The following CD8B2 variants were observed in gnomAD, a reference collection of about 807,000 sequenced individuals.
The protein encoded by CD8B2 is CD8B family member 2.
A neutral mutation model predicts 23.7 loss-of-function variants in CD8B2; 11 were observed. The observed-to-expected ratio is 0.46, with a 90% confidence interval of 0.29 to 0.77. CD8B2 has a LOEUF of 0.77. Ranked by LOEUF, CD8B2 falls within the 30% of genes least tolerant of loss-of-function variation. CD8B2 has a pLI of 0.09. For synonymous variants in CD8B2, 90 were observed against 109.3 expected, an observed-to-expected ratio of 0.82 and a Z score of 1.10; for missense variants, 197 against 270.5, an observed-to-expected ratio of 0.73 and a Z score of 1.91.
intron 5 of CD8B2, among the ~76,000 whole-genome samples, chr2:106,529,167 C>A (rs148272890): frequency 7.2e-4 from 110 of 152,240 alleles, no homozygotes; most frequent in African/African-American, 2.6e-3. Flanking sequence ...TGTCTTTCTG[C>A]TTAAATTAGC....
At chr2:106,534,602 A>T (rs1315390475) in intron 5 of CD8B2, among the ~76,000 whole-genome samples, 2 of 152,260 alleles carry the variant, frequency 1.3e-5, no homozygotes, top group South Asian at 2.1e-4. Context: ...TGGCAAGCCC[A>T]GGGGAACGCC....
In CD8B2 at chr2:106,517,701, T is replaced by G. The variant is rs182869141; in HGVS notation, c.620+13376T>G. ...CAGCACGCTTTGTTTATAGCTTCTG[T>G]TTTTTTTTTGTTTTTTTGTTTTTTG... On this transcript the variant is annotated intron_variant, in intron 5 of 5. Coordinates refer to the CD8B2 transcript ENST00000416057. Among the ~76,000 whole-genome samples the G allele has an allele frequency of 1.4e-4, 18 of 132,932 alleles. No homozygotes were observed. In the East Asian group the frequency reaches 2.4e-3, roughly 18 times the overall value. 87.2% of individuals were successfully genotyped at this position (132,932 alleles called of 152,430 possible). A position where few individuals can be genotyped will look rare whatever the true frequency, so the allele number is the denominator to read the frequency against.
chr2:106,518,555 C>T (rs1025589836), intron 5 of CD8B2, among the ~76,000 whole-genome samples: 1 of 152,004 alleles, frequency 6.6e-6, no homozygotes, highest in African/African-American at 2.4e-5. Context: ...ATTATAATAC[C>T]AACTATTCTC....
intron 2 of CD8B2, among the ~76,000 whole-genome samples, chr2:106,495,960 G>A (rs1379836354): frequency 6.6e-6 from 1 of 151,894 alleles, no homozygotes; most frequent in Admixed American, 6.6e-5. Flanking sequence ...CACCACGCCT[G>A]GCTAAACTTT....
intron 5 of CD8B2, among the ~76,000 whole-genome samples, chr2:106,525,863 TC>T (rs1317578547): frequency 6.6e-6 from 1 of 152,132 alleles, no homozygotes. Context: ...GATATAAGAG[TC>T]CGCAGTGAAG....
At chr2:106,504,212 A>G in intron 4 of CD8B2, 77 bp from the exon 5 acceptor site, 4 of 1,547,414 alleles carry the variant, frequency 2.6e-6, no homozygotes, top group Non-Finnish European at 3.5e-6. Flanking sequence ...CCCCTGTGAC[A>G]ATCCTCCTTG....
At chr2:106,490,738 C>A in intron 1 of CD8B2, 136 bp from the exon 2 acceptor site, 3 of 1,466,782 alleles carry the variant, frequency 2.0e-6, no homozygotes, top group Non-Finnish European at 2.7e-6. Context: ...CAGCTGTGCT[C>A]AACACACTCC....
intron 1 of CD8B2, 41 bp downstream of exon 1, chr2:106,487,510 C>T (rs1456408299): frequency 1.7e-6 from 2 of 1,164,036 alleles, no homozygotes; most frequent in Non-Finnish European, 2.2e-6. Context: ...TCTGCGCTCC[C>T]GGGGCCTGAG....
chr2:106,507,500 G>A lies in CD8B2; in HGVS notation c.*560G>A. ...CTTCCTTTGGGGCCGGGAACTTGCG[G>A]GTTTGAGGATAGGAGTTCACTTCAT... On this transcript the variant is annotated 3_prime_UTR_variant, in exon 6 of 6. Transcript: ENST00000643224. 3.0e-6 allele frequency: 3 copies of A among 985,244 alleles called. No individual in the cohort carries two copies. Among genetic ancestry groups the A allele is most frequent in the Non-Finnish European group, 3.6e-6 (3 of 829,746 alleles). 61.0% of individuals were successfully genotyped at this position (985,244 alleles called of 1,614,324 possible). A position where few individuals can be genotyped will look rare whatever the true frequency, so the allele number is the denominator to read the frequency against.
rs186588026 is a variant in CD8B2, at chr2:106,509,140, A to G, written c.*2200A>G. On this transcript the variant is annotated 3_prime_UTR_variant, in exon 6 of 6. Coordinates refer to ENST00000643224, the MANE Select transcript of CD8B2 (RefSeq NM_001349727.2). ...AATTGGCCTCAGATTCCCTGCCCCCAGACATAGATGTTTCTCCTTGATTCA... is the reference window on the plus strand; with the variant it reads ...AATTGGCCTCAGATTCCCTGCCCCCGGACATAGATGTTTCTCCTTGATTCA... The G allele has an allele frequency of 3.9e-5, 6 of 152,276 alleles. No individual in the cohort carries two copies. In the East Asian group the frequency reaches 1.2e-3, roughly 29 times the overall value. 9.4% of individuals were successfully genotyped at this position (152,276 alleles called of 1,614,324 possible). A position where few individuals can be genotyped will look rare whatever the true frequency, so the allele number is the denominator to read the frequency against.
At chr2:106,542,639 G>A (rs933411865) in intron 5 of CD8B2, among the ~76,000 whole-genome samples, 2 of 146,228 alleles carry the variant, frequency 1.4e-5, no homozygotes, top group Admixed American at 6.8e-5. Flanking sequence ...TATAAAATAG[G>A]TTATATAAAT....
chr2:106,489,652 TG>T (rs1356030628), intron 1 of CD8B2, among the ~76,000 whole-genome samples: 5 of 152,344 alleles, frequency 3.3e-5, no homozygotes, highest in African/African-American at 1.2e-4. Context: ...TTGGTGTGTA[TG>T]GAACCTGTTC....
downstream of CD8B2, among the ~76,000 whole-genome samples, chr2:106,511,319 T>G (rs1411099204): frequency 1.3e-4 from 20 of 152,268 alleles, no homozygotes; most frequent in East Asian, 1.5e-3. Context: ...GCAGGGGTGG[T>G]CTGCACTCCA....
chr2:106,536,982 CAGA>C (rs1184429076), intron 5 of CD8B2, among the ~76,000 whole-genome samples: 25 of 152,354 alleles, frequency 1.6e-4, no homozygotes, highest in African/African-American at 5.5e-4. Flanking sequence ...GTACGTCTCT[CAGA>C]AGAACAAGTT....
At chr2:106,511,929 A>C (rs1293377582), downstream of CD8B2, among the ~76,000 whole-genome samples, 1 of 152,230 alleles carries the variant, frequency 6.6e-6, no homozygotes, top group Non-Finnish European at 1.5e-5. Flanking sequence ...AGAGGCGCTG[A>C]AAAAGACACT....
intron 5 of CD8B2, 30 bp downstream of exon 5, chr2:106,504,355 G>T (rs1249648988): frequency 1.9e-6 from 3 of 1,555,076 alleles, no homozygotes; most frequent in Admixed American, 1.9e-5. Context: ...GTGGCCTTGG[G>T]TTCCTCAGCC....
chr2:106,519,704 T>C (rs945921236), intron 5 of CD8B2, among the ~76,000 whole-genome samples: 1 of 152,240 alleles, frequency 6.6e-6, no homozygotes, highest in Admixed American at 6.5e-5. Flanking sequence ...ATCTTTTGGC[T>C]TCCCTGGGCT....
chr2:106,513,031 A>G (rs537435170), downstream of CD8B2, among the ~76,000 whole-genome samples: 30 of 152,202 alleles, frequency 2.0e-4, no homozygotes, highest in African/African-American at 7.2e-4. Flanking sequence ...AGGCTCAGAT[A>G]GAAAGTCCTT....
intron 3 of CD8B2, among the ~76,000 whole-genome samples, chr2:106,500,567 A>ATTAATT (rs200601667): frequency 2.3e-5 from 2 of 88,514 alleles, no homozygotes; most frequent in African/African-American, 3.5e-5. Context: ...TAAATAATTA[A>ATTAATT]AAAATACCAA....
Sources: gnomAD v4.1 joint callset for allele counts (sites outside exome capture counted in the v4.1 genomes callset) on GRCh38, gnomAD v4.1.1 for gene constraint, MANE v1.5 for transcripts, NCBI Gene and HGNC (gene_info 2026-07-23, HGNC 2026-07-21) for gene names.